Variants in EPHA5 observed in about 807,000 individuals in gnomAD.
The protein encoded by EPHA5 is ephrin type-A receptor 5.
A neutral mutation model predicts 105.0 loss-of-function variants in EPHA5; 60 were observed. The observed-to-expected ratio is 0.57, with a 90% CI of 0.46 to 0.71. The LOEUF (loss-of-function observed/expected upper bound fraction) is 0.71, where lower values mean the gene tolerates loss of function less well. Ranked by LOEUF, EPHA5 falls within the 30% of genes least tolerant of loss-of-function variation. EPHA5 has a pLI of 0.00. For missense variants in EPHA5, 1,218 were observed against 1,274.7 expected (o/e 0.96, Z 0.68); for synonymous variants, 513 against 449.1 (o/e 1.14, Z -1.80).
intron 15 of EPHA5, among the ~76,000 whole-genome samples, 168 bp from the exon 16 acceptor site, chr4:65,332,296 A>G (rs569773940): frequency 2.8e-4 from 43 of 151,978 alleles, no homozygotes; most frequent in African/African-American, 9.6e-4. Flanking sequence ...AATACAGGAG[A>G]ACACAAAATC....
At chr4:65,380,956 A>G (rs564852807) in intron 8 of EPHA5, among the ~76,000 whole-genome samples, 4 of 151,874 alleles carry the variant, frequency 2.6e-5, no homozygotes, top group African/African-American at 9.6e-5. Flanking sequence ...ATCCATTACT[A>G]GATGCATAGC....
intron 13 of EPHA5, among the ~76,000 whole-genome samples, chr4:65,349,161 G>A (rs964555069): frequency 3.3e-5 from 5 of 151,890 alleles, no homozygotes; most frequent in East Asian, 1.9e-4. Flanking sequence ...CCTTGACGTT[G>A]TGTTATTTCT....
At chr4:65,602,919 C>T (rs1743879609) in intron 2 of EPHA5, among the ~76,000 whole-genome samples, 1 of 152,078 alleles carries the variant, frequency 6.6e-6, no homozygotes. Flanking sequence ...TCAGGACTCT[C>T]ACAAATTGGC....
intron 5 of EPHA5, among the ~76,000 whole-genome samples, chr4:65,424,858 GA>G (rs1349476857): frequency 6.6e-6 from 1 of 151,916 alleles, no homozygotes; most frequent in African/African-American, 2.4e-5. Flanking sequence ...TTAAAACATT[GA>G]TAGTTACACT....
At position 65,537,354 on chromosome 4, in the gene EPHA5, A is replaced by G. The variant is rs1736387701; in HGVS notation, c.911-41811T>C. ...TATTTTGTAAAAAATTACACCACAT[A>G]GAAAAATTCAAGTTTTTCAGATAGC... On this transcript the variant is annotated intron_variant, in intron 3 of 16. Coordinates refer to ENST00000613740, the MANE Select transcript of EPHA5 (RefSeq NM_001281766.3). Among the ~76,000 whole-genome samples, 6 of 151,958 alleles carry G rather than the reference A, an allele frequency of 3.9e-5. No individual in the cohort carries two copies. The South Asian group carries it at 1.2e-3, about 31-fold the overall frequency.
At chr4:65,657,898 CAAAAAA>C (rs58539913) in intron 1 of EPHA5, among the ~76,000 whole-genome samples, 1,991 of 117,430 alleles carry the variant, frequency 0.017, 26 homozygotes, top group East Asian at 0.033. Flanking sequence ...TTGGTATATG[CAAAAAA>C]AAAAAAAAAA....
chr4:65,506,931 A>G (rs1212483135), intron 3 of EPHA5, among the ~76,000 whole-genome samples: 1 of 152,084 alleles, frequency 6.6e-6, no homozygotes, highest in African/African-American at 2.4e-5. Flanking sequence ...TTAGACATGA[A>G]GTCCTTGCCC....
At chr4:65,342,433 A>G (rs1410385726) in intron 14 of EPHA5, among the ~76,000 whole-genome samples, 3 of 151,994 alleles carry the variant, frequency 2.0e-5, no homozygotes, top group Non-Finnish European at 4.4e-5. Context: ...TTGGATGAGA[A>G]CTAAATTCCT....
chr4:65,436,431 G>A (rs1202454559), intron 5 of EPHA5, among the ~76,000 whole-genome samples: 1 of 151,776 alleles, frequency 6.6e-6, no homozygotes, highest in Non-Finnish European at 1.5e-5. Context: ...TAAAAATTCT[G>A]TCCGTCATAT....
rs2148812314 is a variant in EPHA5 at position 65,335,931 on chromosome 4, C to T, written c.2789+1G>A. The T allele has an allele frequency of 6.2e-7, 1 of 1,604,996 alleles. No individual in the cohort carries two copies. The highest frequency in any genetic ancestry group is 8.5e-7 in the Non-Finnish European group (1 of 1,175,330). ...AAAATCACTCGGATCTGGCCTTGTA[C>T]CTGCAGGATGCATTAACCAGCGTCT... On this transcript the variant is annotated splice_donor_variant, in intron 15 of 16. Coordinates refer to ENST00000613740, the MANE Select transcript of EPHA5 (RefSeq NM_001281766.3). LOFTEE classifies it high-confidence loss of function.
At chr4:65,468,737 G>A (rs1729004916) in intron 5 of EPHA5, among the ~76,000 whole-genome samples, 1 of 146,702 alleles carries the variant, frequency 6.8e-6, no homozygotes. Context: ...CAGAAGCAAA[G>A]GTTATGATTC....
chr4:65,581,112 G>C (rs1471031212), intron 3 of EPHA5, among the ~76,000 whole-genome samples: 1 of 151,666 alleles, frequency 6.6e-6, no homozygotes, highest in Non-Finnish European at 1.5e-5. Flanking sequence ...TCTATCGTTT[G>C]TTCTCCCATT....
intron 2 of EPHA5, among the ~76,000 whole-genome samples, chr4:65,630,745 G>T (rs756131171): frequency 2.0e-5 from 3 of 152,094 alleles, no homozygotes; most frequent in South Asian, 4.1e-4. Context: ...CAGATTCGCC[G>T]CTGGTAACAG....
chr4:65,637,225 GTT>G (rs33936787), intron 2 of EPHA5, among the ~76,000 whole-genome samples: 1 of 139,040 alleles, frequency 7.2e-6, no homozygotes, highest in African/African-American at 2.6e-5. Flanking sequence ...GCACAGAAAA[GTT>G]TTTTTTTTTT....
intron 3 of EPHA5, among the ~76,000 whole-genome samples, chr4:65,578,758 G>T (rs1741317365): frequency 1.3e-5 from 2 of 152,026 alleles, no homozygotes; most frequent in South Asian, 4.2e-4. Context: ...TTAATATAAA[G>T]ATTTGGCAAT....
chr4:65,414,845 A>C (rs891506619), intron 6 of EPHA5, among the ~76,000 whole-genome samples: 4 of 152,214 alleles, frequency 2.6e-5, no homozygotes, highest in African/African-American at 9.6e-5. Flanking sequence ...GAAAGTTAAC[A>C]ACATCTCCCA....
intron 3 of EPHA5, among the ~76,000 whole-genome samples, chr4:65,509,796 T>C (rs1733420763): frequency 6.6e-6 from 1 of 152,142 alleles, no homozygotes; most frequent in African/African-American, 2.4e-5. Context: ...GATCATTTCA[T>C]TAGCATAATC....
intron 5 of EPHA5, among the ~76,000 whole-genome samples, chr4:65,469,257 A>C (rs1465919028): frequency 6.6e-6 from 1 of 152,174 alleles, no homozygotes; most frequent in Non-Finnish European, 1.5e-5. Flanking sequence ...ATTTTCAATG[A>C]TAAAATATAT....
At chr4:65,463,251 C>G (rs1728291629) in intron 5 of EPHA5, among the ~76,000 whole-genome samples, 1 of 152,080 alleles carries the variant, frequency 6.6e-6, no homozygotes, top group African/African-American at 2.4e-5. Context: ...GCACAGATGA[C>G]TCTTTAATTG....
Sources: gnomAD v4.1 joint callset for allele counts (sites outside exome capture counted in the v4.1 genomes callset) on GRCh38, gnomAD v4.1.1 for gene constraint, MANE v1.5 for transcripts, NCBI Gene and HGNC (gene_info 2026-07-23, HGNC 2026-07-21) for gene names.